TGFBR3: variants seen among roughly 807,000 people sequenced by gnomAD.
TGFBR3 encodes the protein transforming growth factor beta receptor 3.
TGFBR3 carries 46 observed loss-of-function variants against 87.9 expected under a neutral mutation model. The ratio of observed to expected loss-of-function variants is 0.52; its 90% CI spans 0.41 to 0.67. TGFBR3 has a LOEUF of 0.67. TGFBR3 is among the 30% of genes least tolerant of loss of function. The pLI is 0.00. For missense variants in TGFBR3, 866 were observed against 1,041.9 expected, an observed-to-expected ratio of 0.83 and a Z score of 2.32; for synonymous variants, 381 against 391.6, an observed-to-expected ratio of 0.97 and a Z score of 0.32.
chr1:91,685,767 A>G (rs1257943940), intron 16 of TGFBR3, among the ~76,000 whole-genome samples: 1 of 152,126 alleles, frequency 6.6e-6, no homozygotes, highest in Non-Finnish European at 1.5e-5. Flanking sequence ...CTTTCCCCAG[A>G]GTAGGAGCTT....
intron 3 of TGFBR3, among the ~76,000 whole-genome samples, chr1:91,767,888 A>G (rs1339903989): frequency 2.3e-3 from 68 of 29,922 alleles, no homozygotes; most frequent in Admixed American, 0.021. Context: ...TGGATCACAG[A>G]AAAAAAAAAA....
intron 4 of TGFBR3, among the ~76,000 whole-genome samples, chr1:91,756,107 A>G (rs1356912634): frequency 6.6e-6 from 1 of 151,826 alleles, no homozygotes; most frequent in African/African-American, 2.4e-5. Context: ...CAGGACATGC[A>G]CTGCCTTTGC....
At chr1:91,763,724 A>G (rs1201578546) in intron 3 of TGFBR3, among the ~76,000 whole-genome samples, 1 of 152,234 alleles carries the variant, frequency 6.6e-6, no homozygotes, top group African/African-American at 2.4e-5. Flanking sequence ...CTAGGGTCCC[A>G]CTGAACTCAA....
At chr1:91,872,667 T>C (rs1297551536) in intron 1 of TGFBR3, among the ~76,000 whole-genome samples, 1 of 152,192 alleles carries the variant, frequency 6.6e-6, no homozygotes. Flanking sequence ...AATTCTGCCC[T>C]GTTTCCCCCT....
chr1:91,695,458 C>A, intron 16 of TGFBR3: 2 of 542,028 alleles, frequency 3.7e-6, no homozygotes, highest in East Asian at 3.3e-5. Context: ...ACATCACAAT[C>A]GCAATTAGCA....
At chr1:91,761,446 G>A in intron 3 of TGFBR3, among the ~76,000 whole-genome samples, 1 of 152,122 alleles carries the variant, frequency 6.6e-6, no homozygotes, top group Non-Finnish European at 1.5e-5. Context: ...TCCAGGCAGA[G>A]CCCCAAAAGC....
At chr1:91,749,414 C>T (rs564938787) in intron 4 of TGFBR3, among the ~76,000 whole-genome samples, 2 of 152,244 alleles carry the variant, frequency 1.3e-5, no homozygotes, top group South Asian at 4.1e-4. Context: ...GCAACAAAGA[C>T]CCTGGGTCAT....
chr1:91,794,866 A>G (rs1675316247), intron 3 of TGFBR3, among the ~76,000 whole-genome samples: 1 of 152,244 alleles, frequency 6.6e-6, no homozygotes, highest in South Asian at 2.1e-4. Flanking sequence ...TTGTGTGGAC[A>G]TGTGTTTTCA....
At chr1:91,881,565 T>C (rs1679074311) in intron 1 of TGFBR3, among the ~76,000 whole-genome samples, 1 of 152,114 alleles carries the variant, frequency 6.6e-6, no homozygotes, top group Non-Finnish European at 1.5e-5. Context: ...GTTTGTTGAA[T>C]TACTCGAGTA....
chr1:91,856,256 C>T (rs2634026), intron 2 of TGFBR3, among the ~76,000 whole-genome samples: 19,578 of 151,948 alleles, frequency 0.13, 1,597 homozygotes, highest in East Asian at 0.39. Context: ...TTAGTAGAGA[C>T]GGGGTTTCAC....
rs1670885931 is a variant in TGFBR3, at chr1:91,680,855, GA to G, written c.*2883del. The G allele has an allele frequency of 6.7e-6, 3 of 447,074 alleles. No homozygotes were observed. Among genetic ancestry groups the G allele is most frequent in the Middle Eastern group, 7.0e-4 (1 of 1,424 alleles). 27.7% of individuals were successfully genotyped at this position (447,074 alleles called of 1,614,324 possible). ...ATTTACAATCTTATTACAAGGCAAA[GA>G]AAAAAACCATTTTTTTTGTTTAGAA... On this transcript the variant is annotated 3_prime_UTR_variant, in exon 17 of 17. Transcript: ENST00000212355.
intron 2 of TGFBR3, among the ~76,000 whole-genome samples, chr1:91,829,137 A>G (rs1256376844): frequency 1.3e-5 from 2 of 151,948 alleles, no homozygotes; most frequent in Non-Finnish European, 1.5e-5. Context: ...GCACTGTGGG[A>G]GGGTGAGGTG....
At position 91,683,627 on chromosome 1, in the gene TGFBR3, CA is replaced by C; in HGVS notation, c.*111del. The C allele has an allele frequency of 1.1e-6, 1 of 894,048 alleles. No individual in the cohort carries two copies. Among genetic ancestry groups the C allele is most frequent in the Non-Finnish European group, 1.8e-6 (1 of 569,626 alleles). 55.4% of individuals were successfully genotyped at this position (894,048 alleles called of 1,614,324 possible). A position where few individuals can be genotyped will look rare whatever the true frequency, so the allele number is the denominator to read the frequency against. ...ATTCACTCTGTCTTTACAAGGGAAC[CA>C]AAATCCAGCCCTCTGAGTCTGGACA... On this transcript the variant is annotated 3_prime_UTR_variant, in exon 17 of 17. Coordinates refer to ENST00000212355, the MANE Select transcript of TGFBR3 (RefSeq NM_003243.5).
At chr1:91,865,787 CTG>C (rs1183214053) in intron 1 of TGFBR3, among the ~76,000 whole-genome samples, 7 of 152,010 alleles carry the variant, frequency 4.6e-5, no homozygotes, top group Non-Finnish European at 2.9e-5. Flanking sequence ...TGGCAGGCAC[CTG>C]TAGTCCCAGC....
intron 2 of TGFBR3, among the ~76,000 whole-genome samples, chr1:91,847,288 T>G (rs1346288432): frequency 1.3e-5 from 2 of 152,068 alleles, no homozygotes; most frequent in Non-Finnish European, 2.9e-5. Flanking sequence ...TTTTAAAAGC[T>G]CTAGACTGGA....
intron 2 of TGFBR3, among the ~76,000 whole-genome samples, chr1:91,896,623 A>G (rs1181355105): frequency 6.6e-6 from 1 of 152,194 alleles, no homozygotes. Context: ...GGCTGGAGCA[A>G]ATAAGCCTGC....
intron 2 of TGFBR3, among the ~76,000 whole-genome samples, chr1:91,837,749 G>A (rs866524479): frequency 1.3e-5 from 2 of 152,128 alleles, no homozygotes; most frequent in Middle Eastern, 3.4e-3. Context: ...AAAATTTTCA[G>A]CAATAATTAA....
chr1:91,837,536 G>A (rs1487779033), intron 2 of TGFBR3, among the ~76,000 whole-genome samples: 3 of 152,034 alleles, frequency 2.0e-5, no homozygotes, highest in Middle Eastern at 3.2e-3. Context: ...CACCATGCCC[G>A]GCTGGTAAGT....
intron 3 of TGFBR3, among the ~76,000 whole-genome samples, chr1:91,772,453 T>C (rs915786382): frequency 2.6e-5 from 4 of 152,044 alleles, no homozygotes; most frequent in African/African-American, 9.7e-5. Context: ...CTCCTAGACT[T>C]GAGGAGTTTG....
Sources: gnomAD v4.1 joint callset for allele counts (sites outside exome capture counted in the v4.1 genomes callset) on GRCh38, gnomAD v4.1.1 for gene constraint, MANE v1.5 for transcripts, NCBI Gene and HGNC (gene_info 2026-07-23, HGNC 2026-07-21) for gene names.